Variants in ZNF709 observed in about 807,000 individuals in gnomAD.
ZNF709 encodes zinc finger protein 709.
A neutral mutation model predicts 10.6 loss-of-function variants in ZNF709; 15 were observed. That is an observed-to-expected ratio of 1.41 (90% CI 0.95 to 2.18). ZNF709 has a LOEUF of 2.18. Ranked by LOEUF, ZNF709 falls within the 30% of genes most tolerant of loss-of-function variation. ZNF709 has a pLI of 0.00. For missense variants in ZNF709, 589 were observed against 774.0 expected (o/e 0.76, Z 2.84); for synonymous variants, 194 against 238.8 (o/e 0.81, Z 1.73).
At chr19:12,475,074 G>C (rs1055734125) in intron 1 of ZNF709, among the ~76,000 whole-genome samples, 5 of 151,718 alleles carry the variant, frequency 3.3e-5, no homozygotes, top group Non-Finnish European at 5.9e-5. Flanking sequence ...CCTGTCCAAA[G>C]TGACAAAACC....
chr19:12,478,458 G>T (rs1970694039), intron 1 of ZNF709, among the ~76,000 whole-genome samples: 1 of 152,206 alleles, frequency 6.6e-6, no homozygotes, highest in African/African-American at 2.4e-5. Context: ...CCAGAAAGCA[G>T]CAGCTGAAAG....
chr19:12,466,749 T>G lies in ZNF709; in HGVS notation c.105A>C (p.Glu35Asp). 1.2e-6 allele frequency: 2 copies of G among 1,614,036 alleles called. No individual in the cohort carries two copies. Among genetic ancestry groups the G allele is most frequent in the Non-Finnish European group, 1.7e-6 (2 of 1,179,976 alleles). The change falls in exon 2 of 4, where the codon GAA becomes GAC. Residue 35 changes from glutamate to aspartate, a missense_variant. Transcript: ENST00000397732. ...QKKLYRDVMQETFVNLASIGE... is the reference protein window; with the variant it reads ...QKKLYRDVMQDTFVNLASIGE... Reference sequence around the variant, plus strand: ...CTATAGAGGCCAAGTTAACAAAGGTTTCTTGCATCACATCTCTGTAGAGTT... The same window carrying G: ...CTATAGAGGCCAAGTTAACAAAGGTGTCTTGCATCACATCTCTGTAGAGTT...
chr19:12,473,650 G>A (rs1970653300), intron 1 of ZNF709, among the ~76,000 whole-genome samples: 2 of 152,222 alleles, frequency 1.3e-5, no homozygotes, highest in Admixed American at 1.3e-4. Flanking sequence ...GTATCATAAG[G>A]ACATAGACAT....
chr19:12,464,735 T>G lies in ZNF709; in HGVS notation c.1187A>C (p.Gln396Pro). The change falls in exon 4 of 4, where the codon CAG (glutamine) becomes CCG (proline). Residue 396 changes from glutamine to proline, a missense_variant. Gln to Pro is a moderately conservative substitution (Grantham distance 76). Around this residue, in one of 2 missense-constraint regions of ZNF709, gnomAD observed 418 missense variants for 496.3 expected, o/e 0.84. Transcript: ENST00000397732. ...GGAACAACTGAAGGCTTTACCACAC[T>G]GTTTACATTCATAGGGTTTCTCTCC... ...HTGEKPYECKQCGKAFSCSSS... is the reference protein window; with the variant it reads ...HTGEKPYECKPCGKAFSCSSS... 6.2e-7 allele frequency: 1 copy of G among 1,613,674 alleles called. No individual in the cohort carries two copies. Among genetic ancestry groups the G allele is most frequent in the Non-Finnish European group, 8.5e-7 (1 of 1,179,788 alleles).
chr19:12,476,678 G>T (rs1330814653), intron 1 of ZNF709, among the ~76,000 whole-genome samples: 1 of 152,180 alleles, frequency 6.6e-6, no homozygotes, highest in Non-Finnish European at 1.5e-5. Context: ...GGAATATGTT[G>T]CCTCCAGAAC....
In ZNF709 at chr19:12,465,371, T is replaced by C; in HGVS notation, c.551A>G (p.Gln184Arg). 6.2e-7 allele frequency: 1 copy of C among 1,613,500 alleles called. No individual in the cohort carries two copies. The stretch of plus-strand genomic sequence containing the variant: ...TCCAGTATGAGTTCTTTCATGTATT[T>C]GAAAGGAACTGGGCCAACTGAAAGC... ...GKAFSWPSSF[Q>R]IHERTHTGEK... Residue 184 changes from glutamine to arginine, a missense_variant, in exon 4 of 4, where the codon CAA becomes CGA. By Grantham distance (43) the Gln-to-Arg change is conservative (BLOSUM62 1). Coordinates refer to ENST00000397732, the MANE Select transcript of ZNF709 (RefSeq NM_152601.4).
chr19:12,464,123 G>A lies in ZNF709; in HGVS notation c.1799C>T (p.Ser600Leu), dbSNP rs1599630568. ...CKQCDKAFSC[S>L]RSFRIHERTH... ...TCGTTCATGGATTCGAAAGGAACGT[G>A]AGCAACTGAAGGCTTTGTCACATTG... The change falls in exon 4 of 4, where the codon TCA (serine) becomes TTA (leucine). Residue 600 changes from serine to leucine, a missense_variant. By Grantham distance (145) the Ser-to-Leu change is moderately radical. Coordinates refer to ENST00000397732, the MANE Select transcript of ZNF709 (RefSeq NM_152601.4). 5 of 1,565,574 alleles carry A rather than the reference G, an allele frequency of 3.2e-6. No individual in the cohort carries two copies. In the East Asian group the frequency reaches 1.1e-4, roughly 35 times the overall value.
chr19:12,483,118 A>G (rs963187332), intron 1 of ZNF709, among the ~76,000 whole-genome samples: 5 of 152,056 alleles, frequency 3.3e-5, no homozygotes, highest in Admixed American at 6.6e-5. Flanking sequence ...AATAAATGCA[A>G]TATCATACTG....
At chr19:12,468,214 C>T (rs868104260) in intron 1 of ZNF709, among the ~76,000 whole-genome samples, 1 of 152,164 alleles carries the variant, frequency 6.6e-6, no homozygotes, top group African/African-American at 2.4e-5. Flanking sequence ...TCATTGAGAA[C>T]GGGCCATAAT....
rs1305074606 is a variant in ZNF709, at chr19:12,484,786, A to T, written c.-129T>A. On this transcript the variant is annotated 5_prime_UTR_variant, in exon 1 of 4. Coordinates refer to ENST00000397732, the MANE Select transcript of ZNF709 (RefSeq NM_152601.4). ...GTGAGGAGACCCCAGAGCGGAGCGC[A>T]GCGGCTGGTAGCCACGCCCTCGCCG... 4 of 1,276,902 alleles carry T rather than the reference A, an allele frequency of 3.1e-6. No individual in the cohort carries two copies. Among genetic ancestry groups the T allele is most frequent in the Admixed American group, 2.1e-5 (1 of 47,102 alleles). 79.1% of individuals were successfully genotyped at this position (1,276,902 alleles called of 1,614,324 possible).
chr19:12,470,976 TCAA>T (rs1350835795), intron 1 of ZNF709, among the ~76,000 whole-genome samples: 1 of 151,008 alleles, frequency 6.6e-6, no homozygotes, highest in Non-Finnish European at 1.5e-5. Context: ...GTTTATGGAA[TCAA>T]TAGAGTATAT....
At chr19:12,481,256 A>C (rs1195674531) in intron 1 of ZNF709, 5 of 865,862 alleles carry the variant, frequency 5.8e-6, no homozygotes, top group Non-Finnish European at 6.9e-6. Context: ...TTTGAGATGG[A>C]GTCCTGCTCT....
intron 1 of ZNF709, among the ~76,000 whole-genome samples, chr19:12,472,696 A>T (rs972282795): frequency 6.6e-6 from 1 of 152,154 alleles, no homozygotes; most frequent in Non-Finnish European, 1.5e-5. Flanking sequence ...CAGCCTGGCC[A>T]ACATGGCGAA....
intron 1 of ZNF709, among the ~76,000 whole-genome samples, chr19:12,480,277 A>T (rs1344990375): frequency 6.6e-6 from 1 of 152,210 alleles, no homozygotes; most frequent in Non-Finnish European, 1.5e-5. Context: ...ACCATCTCAC[A>T]CTGGGAGGTG....
intron 1 of ZNF709, among the ~76,000 whole-genome samples, chr19:12,468,566 C>T (rs2144992496): frequency 6.6e-6 from 1 of 150,888 alleles, no homozygotes; most frequent in South Asian, 2.1e-4. Flanking sequence ...CGGAAGGCCG[C>T]AGGGTCCTCT....
chr19:12,463,780 A>T lies in ZNF709; in HGVS notation c.*216T>A. ...CATCTCTACTAAAAATACAAAAATTAAGTGGGCATGGTCGTTCACACCTGT... is the reference window on the plus strand; with the variant it reads ...CATCTCTACTAAAAATACAAAAATTTAGTGGGCATGGTCGTTCACACCTGT... On this transcript the variant is annotated 3_prime_UTR_variant, in exon 4 of 4. Coordinates refer to ENST00000397732, the MANE Select transcript of ZNF709 (RefSeq NM_152601.4). 1 of 376,192 alleles carries T rather than the reference A, an allele frequency of 2.7e-6. No homozygotes were observed. Among genetic ancestry groups the T allele is most frequent in the Non-Finnish European group, 4.7e-6 (1 of 214,694 alleles). The allele number at this position is 376,192 out of a possible 1,614,324, so 23.3% of individuals were successfully genotyped here.
chr19:12,479,635 C>T (rs980039397), intron 1 of ZNF709, among the ~76,000 whole-genome samples: 18 of 152,130 alleles, frequency 1.2e-4, no homozygotes, highest in African/African-American at 4.3e-4. Context: ...CTTTGGGAGA[C>T]CAAGGCAGGT....
chr19:12,482,183 A>ACG (rs1231121308), intron 1 of ZNF709, among the ~76,000 whole-genome samples: 7 of 149,878 alleles, frequency 4.7e-5, no homozygotes, highest in Non-Finnish European at 1.0e-4. Context: ...ACACACACAC[A>ACG]CGCTCCCTCT....
intron 1 of ZNF709, among the ~76,000 whole-genome samples, chr19:12,474,945 G>A (rs1312646476): frequency 6.6e-6 from 1 of 152,042 alleles, no homozygotes; most frequent in Non-Finnish European, 1.5e-5. Flanking sequence ...CTTGTAAAAT[G>A]GACACTGAAT....
Sources: allele counts gnomAD v4.1 joint callset (sites outside exome capture counted in the v4.1 genomes callset), GRCh38; gene constraint gnomAD v4.1.1; regional missense constraint gnomAD v4.1.1; transcripts MANE v1.5; gene names NCBI Gene and HGNC (gene_info 2026-07-23, HGNC 2026-07-21).